Variants in HABP2 observed in about 807,000 individuals in gnomAD.
The protein encoded by HABP2 is hyaluronan binding protein 2.
Under a neutral mutation model 66.5 loss-of-function variants are expected in HABP2, and 65 were observed. That is an observed-to-expected ratio of 0.98 (90% confidence interval 0.80 to 1.20). HABP2 has a LOEUF of 1.20. HABP2 is among the 50% of genes most tolerant of loss of function. The pLI is 0.00. For synonymous variants in HABP2, 263 were observed against 253.9 expected (o/e 1.04, Z -0.34); for missense variants, 786 against 691.0 (o/e 1.14, Z -1.54).
upstream of HABP2, among the ~76,000 whole-genome samples, chr10:113,552,577 G>A (rs922263234): frequency 2.0e-5 from 3 of 152,142 alleles, no homozygotes; most frequent in Admixed American, 1.3e-4. Flanking sequence ...CACTTCAAAG[G>A]GCCCAGAATC....
At chr10:113,557,575 C>T (rs535382705) in intron 1 of HABP2, among the ~76,000 whole-genome samples, 3 of 152,064 alleles carry the variant, frequency 2.0e-5, no homozygotes, top group Admixed American at 1.3e-4. Context: ...GACTTGGCAA[C>T]GATCCCAGGA....
At chr10:113,570,011 C>T (rs1209129463) in intron 2 of HABP2, 1 of 152,348 alleles carries the variant, frequency 6.6e-6, no homozygotes, top group South Asian at 2.1e-4. Context: ...CTGAGTTAAT[C>T]CTGGTCAAGG....
chr10:113,556,405 A>G (rs952023734), intron 1 of HABP2, among the ~76,000 whole-genome samples: 3 of 152,166 alleles, frequency 2.0e-5, no homozygotes, highest in African/African-American at 7.2e-5. Context: ...AGGGGTAGCC[A>G]CCGCTGCTGT....
rs1845446158 is a variant in HABP2, at chr10:113,578,078, G to A, written c.501G>A (p.Arg167=). ...NPCQNGATCS[R]HKRRSKFTCA... ...GCCAGAATGGGGCTACCTGCTCCCG[G>A]CATAAGCGGAGATCCAAGTTCACCT... is the stretch of plus-strand genomic sequence containing the variant. The change falls in exon 6 of 13, where the codon CGG becomes CGA. Residue 167 remains arginine, a synonymous_variant. Transcript: ENST00000351270. The A allele has an allele frequency of 6.2e-7, 1 of 1,614,098 alleles. No individual in the cohort carries two copies. The highest frequency in any genetic ancestry group is 1.1e-5 in the South Asian group (1 of 91,078).
intron 8 of HABP2, 89 bp downstream of exon 8, chr10:113,580,781 C>T: frequency 1.4e-6 from 1 of 712,430 alleles, no homozygotes; most frequent in Admixed American, 2.1e-5. Flanking sequence ...CCTCCCTCAC[C>T]CTGTTCTTCC....
At chr10:113,552,171 G>T (rs1383644014), upstream of HABP2, among the ~76,000 whole-genome samples, 2 of 152,130 alleles carry the variant, frequency 1.3e-5, no homozygotes, top group African/African-American at 4.8e-5. Context: ...CTGGGCAGGG[G>T]GGCACAGGTG....
intron 1 of HABP2, among the ~76,000 whole-genome samples, chr10:113,563,777 C>T (rs1845145125): frequency 6.6e-6 from 1 of 152,178 alleles, no homozygotes; most frequent in Non-Finnish European, 1.5e-5. Context: ...CCCTCAAAGT[C>T]TTCTGCCCAC....
chr10:113,558,193 A>G lies in HABP2; in HGVS notation c.69+5003A>G, dbSNP rs944749086. 7.2e-5 allele frequency among the ~76,000 whole-genome samples: 11 copies of G among 152,244 alleles called. No homozygotes were observed. The East Asian group carries it at 2.1e-3, about 29-fold the overall frequency. ...CTTTCCCTTTGCTTTCCGACACCAC[A>G]AGGATCGAGTCTTGCCGGCTAGCAA... On this transcript the variant is annotated intron_variant, in intron 1 of 12. Transcript: ENST00000351270.
At chr10:113,569,567 T>A (rs1166617047) in intron 2 of HABP2, 1 of 152,276 alleles carries the variant, frequency 6.6e-6, no homozygotes, top group Non-Finnish European at 1.5e-5. Context: ...GAGCAGAAGG[T>A]GCGCATTCCA....
chr10:113,586,488 G>T (rs373290428), intron 12 of HABP2, among the ~76,000 whole-genome samples: 4 of 138,512 alleles, frequency 2.9e-5, no homozygotes, highest in East Asian at 2.3e-4. Flanking sequence ...GGGGGGGGGG[G>T]GTGTTTTAGC....
chr10:113,554,825 A>C (rs556628204), intron 1 of HABP2, among the ~76,000 whole-genome samples: 1 of 152,254 alleles, frequency 6.6e-6, no homozygotes, highest in African/African-American at 2.4e-5. Context: ...CAATGAAATT[A>C]TAAGTCAATA....
chr10:113,582,791 G>A (rs1054586606), intron 9 of HABP2, among the ~76,000 whole-genome samples: 1 of 152,166 alleles, frequency 6.6e-6, no homozygotes, highest in African/African-American at 2.4e-5. Flanking sequence ...GTCAAGGCTG[G>A]TCCAACAAAG....
rs41292628 is a variant in HABP2, at chr10:113,578,665, C to T, written c.607C>T (p.Arg203Ter). 5,636 of 1,612,786 alleles carry T rather than the reference C, an allele frequency of 3.5e-3. 12 individuals are homozygous for T. The highest frequency in any genetic ancestry group is 4.4e-3 in the Non-Finnish European group (5,165 of 1,179,018). The change falls in exon 7 of 13, where the codon CGA becomes TGA. Residue 203 changes from arginine (R) to a stop codon, truncating the protein, a stop_gained. Transcript: ENST00000351270. LOFTEE classifies it high-confidence loss of function. ...CTATGTTGGCGATGGCTACTCTTACCGAGGGAAAATGAATAGGACAGTCAA... is the reference window on the plus strand; with the variant it reads ...CTATGTTGGCGATGGCTACTCTTACTGAGGGAAAATGAATAGGACAGTCAA... ...DCYVGDGYSY[R>*]GKMNRTVNQH... is the part of the protein sequence containing the mutation.
intron 7 of HABP2, among the ~76,000 whole-genome samples, chr10:113,579,280 A>G (rs531850655): frequency 1.3e-4 from 20 of 151,938 alleles, no homozygotes; most frequent in Admixed American, 1.2e-3. Context: ...AAAAATGTCT[A>G]TTTCTTACTA....
chr10:113,581,140 C>T (rs1845521634), intron 8 of HABP2, among the ~76,000 whole-genome samples: 1 of 152,130 alleles, frequency 6.6e-6, no homozygotes, highest in Admixed American at 6.5e-5. Flanking sequence ...GCCCTTCCAC[C>T]CTGACCAGTG....
intron 2 of HABP2, among the ~76,000 whole-genome samples, chr10:113,570,493 A>G (rs1437155716): frequency 6.6e-6 from 1 of 152,208 alleles, no homozygotes; most frequent in African/African-American, 2.4e-5. Context: ...TCCCTTTTCT[A>G]TAGCCTAGAG....
chr10:113,577,751 C>T (rs553023379), intron 5 of HABP2, among the ~76,000 whole-genome samples: 51 of 152,344 alleles, frequency 3.3e-4, no homozygotes, highest in Non-Finnish European at 6.5e-4. Flanking sequence ...ACTCCTGCTC[C>T]GTCCATGCTT....
chr10:113,580,500 A>C, intron 7 of HABP2, 95 bp from the exon 8 acceptor site: 1 of 723,630 alleles, frequency 1.4e-6, no homozygotes, highest in Non-Finnish European at 2.5e-6. Context: ...CAGGGGGAGC[A>C]CAAGAGTCTA....
intron 2 of HABP2, chr10:113,570,256 G>T (rs1845280846): frequency 6.6e-6 from 1 of 152,232 alleles, no homozygotes; most frequent in South Asian, 2.1e-4. Context: ...TTAAGGTGAA[G>T]TAAGATTGTG....
Sources: allele counts gnomAD v4.1 joint callset (sites outside exome capture counted in the v4.1 genomes callset), GRCh38; gene constraint gnomAD v4.1.1; transcripts MANE v1.5; gene names NCBI Gene and HGNC (gene_info 2026-07-23, HGNC 2026-07-21).